TNKS: variants seen among roughly 807,000 people sequenced by gnomAD.
TNKS encodes the protein tankyrase, also known as poly [ADP-ribose] polymerase tankyrase-1.
TNKS carries 72 observed loss-of-function variants against 135.8 expected under a neutral mutation model. That is an observed-to-expected ratio of 0.53 (90% CI 0.44 to 0.64). The LOEUF (loss-of-function observed/expected upper bound fraction) is 0.64. Ranked by LOEUF, TNKS falls within the 30% of genes least tolerant of loss-of-function variation. The probability of loss-of-function intolerance (pLI) is 0.00; values close to 1 mark genes in which losing one functional copy is unlikely to be tolerated. For missense variants in TNKS, 1,769 were observed against 1,674.0 expected, an observed-to-expected ratio of 1.06 and a Z score of -0.99; for synonymous variants, 849 against 649.3, an observed-to-expected ratio of 1.31 and a Z score of -4.68.
intron 12 of TNKS, 84 bp downstream of exon 12, chr8:9,720,629 C>A: frequency 7.2e-7 from 1 of 1,393,496 alleles, no homozygotes; most frequent in Non-Finnish European, 9.5e-7. Context: ...GCAGTGTTTA[C>A]TTTGCCTGAA....
intron 3 of TNKS, among the ~76,000 whole-genome samples, chr8:9,673,847 G>A (rs985164917): frequency 6.6e-6 from 1 of 152,020 alleles, no homozygotes; most frequent in African/African-American, 2.4e-5. Flanking sequence ...TTTGTCTCTA[G>A]TTCCATACTT....
In TNKS at chr8:9,622,434, G is replaced by T. The variant is rs1242496388; in HGVS notation, c.994+6757G>T. 3.9e-5 allele frequency among the ~76,000 whole-genome samples: 6 copies of T among 152,290 alleles called. No homozygotes were observed. In the East Asian group the frequency reaches 1.2e-3, roughly 29 times the overall value. ...AAGGGCGCTGAATCCTCACAATGAA[G>T]CTGTGAAGTAGATATTGTTATTGTA... On this transcript the variant is annotated intron_variant, in intron 3 of 26. Coordinates refer to ENST00000310430, the MANE Select transcript of TNKS (RefSeq NM_003747.3).
In TNKS at chr8:9,769,718, C is replaced by T. The variant is rs576005268; in HGVS notation, c.3741-388C>T. Among the ~76,000 whole-genome samples the T allele has an allele frequency of 9.8e-5, 14 of 143,414 alleles. No individual in the cohort carries two copies. In the East Asian group the frequency reaches 2.2e-3, roughly 22 times the overall value. 94.1% of individuals were successfully genotyped at this position (143,414 alleles called of 152,430 possible). On this transcript the variant is annotated intron_variant, in intron 25 of 26. Transcript: ENST00000310430. ...CACTGCAAGCTCCACCTCCCGTGTT[C>T]GTGCCATTCTCCTGCCTCAGCCTCC... is the stretch of plus-strand genomic sequence containing the variant.
intron 2 of TNKS, among the ~76,000 whole-genome samples, chr8:9,590,348 T>TA (rs1798545197): frequency 6.6e-6 from 1 of 152,216 alleles, no homozygotes; most frequent in African/African-American, 2.4e-5. Flanking sequence ...ATAATGTTAA[T>TA]TCATCTGAGT....
At chr8:9,772,417 A>G (rs1807963503) in intron 26 of TNKS, 1 of 455,718 alleles carries the variant, frequency 2.2e-6, no homozygotes, top group South Asian at 1.5e-5. Context: ...AGCCAAAAAT[A>G]CATGATGTAA....
intron 2 of TNKS, among the ~76,000 whole-genome samples, chr8:9,599,313 G>C (rs1798924529): frequency 2.0e-5 from 3 of 152,192 alleles, no homozygotes; most frequent in South Asian, 4.1e-4. Context: ...GGATACGAGA[G>C]AGTGTTTATT....
intron 11 of TNKS, among the ~76,000 whole-genome samples, chr8:9,716,967 G>T (rs1378041187): frequency 6.7e-6 from 1 of 150,104 alleles, no homozygotes; most frequent in Non-Finnish European, 1.5e-5. Context: ...TCATTGGATT[G>T]GCACCCTCTA....
At chr8:9,653,409 G>A (rs1252621119) in intron 3 of TNKS, among the ~76,000 whole-genome samples, 2 of 152,066 alleles carry the variant, frequency 1.3e-5, no homozygotes, top group Admixed American at 1.3e-4. Context: ...ATAAGGGAGA[G>A]AGGTTTATTT....
chr8:9,722,056 C>T, intron 12 of TNKS, among the ~76,000 whole-genome samples: 1 of 66,548 alleles, frequency 1.5e-5, no homozygotes. Flanking sequence ...GACTCCATCT[C>T]AACAAAAAAA....
intron 1 of TNKS, among the ~76,000 whole-genome samples, chr8:9,569,650 G>A (rs930676196): frequency 6.6e-6 from 1 of 152,148 alleles, no homozygotes; most frequent in South Asian, 2.1e-4. Flanking sequence ...TTTTGTACAC[G>A]TCTGTAAACG....
intron 5 of TNKS, among the ~76,000 whole-genome samples, chr8:9,688,630 T>C (rs1803119796): frequency 6.6e-6 from 1 of 152,016 alleles, no homozygotes. Flanking sequence ...GAGCAAGTTT[T>C]TTTTCTTTTC....
intron 1 of TNKS, among the ~76,000 whole-genome samples, chr8:9,567,626 C>G (rs569284479): frequency 2.6e-5 from 4 of 152,132 alleles, no homozygotes; most frequent in African/African-American, 9.7e-5. Context: ...ACCGTGTTAG[C>G]GAGGATGGTC....
intron 3 of TNKS, among the ~76,000 whole-genome samples, chr8:9,620,995 G>A (rs1031215377): frequency 6.6e-6 from 1 of 152,088 alleles, no homozygotes; most frequent in African/African-American, 2.4e-5. Flanking sequence ...CTGATAATTG[G>A]GGGCAGCATA....
chr8:9,625,787 A>T (rs887460581), intron 3 of TNKS, among the ~76,000 whole-genome samples: 3 of 152,074 alleles, frequency 2.0e-5, no homozygotes, highest in African/African-American at 7.2e-5. Flanking sequence ...TTAAATCTTT[A>T]TTTGGACAAA....
intron 12 of TNKS, 119 bp downstream of exon 12, chr8:9,720,664 A>C (rs531866741): frequency 4.1e-6 from 5 of 1,212,270 alleles, no homozygotes; most frequent in Non-Finnish European, 5.6e-6. Context: ...TTTTCTTGCA[A>C]TTTAGCCTGT....
At chr8:9,603,493 C>G (rs1171426178) in intron 2 of TNKS, among the ~76,000 whole-genome samples, 2 of 152,212 alleles carry the variant, frequency 1.3e-5, no homozygotes, top group African/African-American at 4.8e-5. Context: ...AAGTTACTAA[C>G]CATTTTATTG....
rs767358710 is a variant in TNKS at position 9,733,348 on chromosome 8, T to A, written c.2217T>A (p.His739Gln). The A allele has an allele frequency of 6.2e-7, 1 of 1,612,368 alleles. No individual in the cohort carries two copies. Among genetic ancestry groups the A allele is most frequent in the Non-Finnish European group, 8.5e-7 (1 of 1,179,394 alleles). ...AGGTGGCTGAGCTTTTAGTAAGGCA[T>A]GGGGCTTCTGTCAATGTGGCGGACT... is the stretch of plus-strand genomic sequence containing the variant. ...HYEVAELLVR[H>Q]GASVNVADLW... Residue 739 changes from histidine (H) to glutamine (Q), a missense_variant, in exon 15 of 27, where the codon CAT (histidine) becomes CAA (glutamine). Physicochemically the swap from His to Gln is conservative, Grantham distance 24. This residue lies in a region of TNKS where 69 missense variants were observed against 120.3 expected (regional missense o/e 0.57). Coordinates refer to ENST00000310430, the MANE Select transcript of TNKS (RefSeq NM_003747.3).
chr8:9,639,275 C>T (rs1800635352), intron 3 of TNKS, among the ~76,000 whole-genome samples: 1 of 151,922 alleles, frequency 6.6e-6, no homozygotes, highest in Admixed American at 6.6e-5. Flanking sequence ...GAATGAAAAC[C>T]AATTAAGCTT....
rs1423420726 is a variant in TNKS, at chr8:9,722,304, A to G, written c.1921+1759A>G. On this transcript the variant is annotated intron_variant, in intron 12 of 26. Transcript: ENST00000310430. ...CTTGTAGAGATTATGATATGTGTAT[A>G]TTGTTATAGGAAGATCAGAGCTAAA... The G allele has an allele frequency of 2.0e-5, 3 of 152,270 alleles. No individual in the cohort carries two copies. In the East Asian group the frequency reaches 5.8e-4, roughly 29 times the overall value. The allele number at this position is 152,270 out of a possible 1,614,324, so 9.4% of individuals were successfully genotyped here.
Sources: gnomAD v4.1 joint callset for allele counts (sites outside exome capture counted in the v4.1 genomes callset) on GRCh38, gnomAD v4.1.1 for gene constraint, gnomAD v4.1.1 regional missense constraint, MANE v1.5 for transcripts, NCBI Gene and HGNC (gene_info 2026-07-23, HGNC 2026-07-21) for gene names.